SYT17: variants seen among roughly 807,000 people sequenced by gnomAD.
SYT17 encodes the protein synaptotagmin 17.
In SYT17, 22 loss-of-function variants were observed where a neutral mutation model predicts 46.7. That is an observed-to-expected ratio of 0.47 (90% CI 0.34 to 0.67). The LOEUF is 0.67. SYT17 is among the 30% of genes least tolerant of loss of function. The probability of loss-of-function intolerance (pLI) is 0.01; values close to 1 mark genes in which losing one functional copy is unlikely to be tolerated. For synonymous variants in SYT17, 251 were observed against 248.4 expected (o/e 1.01, Z -0.10); for missense variants, 519 against 612.8 (o/e 0.85, Z 1.62).
intron 7 of SYT17, among the ~76,000 whole-genome samples, chr16:19,252,251 G>A (rs1968134629): frequency 6.7e-6 from 1 of 148,532 alleles, no homozygotes; most frequent in African/African-American, 2.5e-5. Context: ...CATAAATGTT[G>A]CAGAATTCTT....
In SYT17 at chr16:19,172,630, C is replaced by A. The variant is rs182872494; in HGVS notation, c.16-130C>A. 1.7e-3 allele frequency: 2,555 copies of A among 1,524,420 alleles called. 5 individuals carry two copies. Among genetic ancestry groups the A allele is most frequent in the Non-Finnish European group, 2.0e-3 (2,261 of 1,143,782 alleles). The allele number at this position is 1,524,420 out of a possible 1,614,324, so 94.4% of individuals were successfully genotyped here. A position where few individuals can be genotyped will look rare whatever the true frequency, so the allele number is the denominator to read the frequency against. On this transcript the variant is annotated intron_variant, in intron 1 of 7. Coordinates refer to ENST00000355377, the MANE Select transcript of SYT17 (RefSeq NM_016524.4). ...TCCCAGGATGGTAAGTGGAAATATG[C>A]AGGGCTTTTTTTTTTTTTTGTAAAA...
intron 7 of SYT17, among the ~76,000 whole-genome samples, chr16:19,250,715 C>T (rs983765184): frequency 1.4e-4 from 17 of 118,466 alleles, no homozygotes; most frequent in African/African-American, 4.7e-4. Flanking sequence ...ATGCGTGGCC[C>T]CATTAGTTCT....
At chr16:19,189,319 G>T (rs937882591) in intron 5 of SYT17, among the ~76,000 whole-genome samples, 1 of 151,030 alleles carries the variant, frequency 6.6e-6, no homozygotes, top group Non-Finnish European at 1.5e-5. Context: ...AGATACTGGG[G>T]GTTAGGACCT....
chr16:19,185,008 T>C (rs1237161013), intron 5 of SYT17, among the ~76,000 whole-genome samples: 1 of 152,132 alleles, frequency 6.6e-6, no homozygotes, highest in Non-Finnish European at 1.5e-5. Flanking sequence ...AGAGGGTAAC[T>C]GTCTACCCAT....
rs770374262 is a variant in SYT17, at chr16:19,173,449, C to G, written c.53C>G (p.Ser18Cys). Residue 18 changes from serine to cysteine, a missense_variant, in exon 3 of 8, where the codon TCT becomes TGT. Coordinates refer to ENST00000355377, the MANE Select transcript of SYT17 (RefSeq NM_016524.4). ...CCTCAGGGTTTTCTTTCTAGAATCT[C>G]TGGTCTGCTGCTGTGCAGATGGACC... is the stretch of plus-strand genomic sequence containing the variant. ...PLNEGFLSRI[S>C]GLLLCRWTCR... is the part of the protein sequence containing the mutation. 2.9e-6 allele frequency: 4 copies of G among 1,364,370 alleles called. No individual in the cohort carries two copies. The highest frequency in any genetic ancestry group is 3.9e-6 in the Non-Finnish European group (4 of 1,023,734). 84.5% of individuals were successfully genotyped at this position (1,364,370 alleles called of 1,614,324 possible). A position where few individuals can be genotyped will look rare whatever the true frequency, so the allele number is the denominator to read the frequency against.
intron 5 of SYT17, among the ~76,000 whole-genome samples, chr16:19,210,467 A>G (rs1965853612): frequency 6.7e-6 from 1 of 148,920 alleles, no homozygotes; most frequent in African/African-American, 2.5e-5. Flanking sequence ...TTTTTTTTTA[A>G]AAGGGTATTT....
intron 5 of SYT17, among the ~76,000 whole-genome samples, chr16:19,185,779 C>T (rs2142609993): frequency 6.6e-6 from 1 of 152,306 alleles, no homozygotes; most frequent in African/African-American, 2.4e-5. Context: ...GCAGCGAGGG[C>T]CTGGCGGGTG....
chr16:19,184,782 G>T (rs1220862999), intron 5 of SYT17, among the ~76,000 whole-genome samples: 1 of 152,104 alleles, frequency 6.6e-6, no homozygotes, highest in Non-Finnish European at 1.5e-5. Flanking sequence ...ATTGCACAGG[G>T]TATAAAGCTA....
chr16:19,215,312 TAAC>T (rs769870536), intron 5 of SYT17, among the ~76,000 whole-genome samples: 31 of 152,342 alleles, frequency 2.0e-4, no homozygotes, highest in Non-Finnish European at 3.5e-4. Flanking sequence ...CTTTAACACT[TAAC>T]AACAACAACA....
intron 5 of SYT17, among the ~76,000 whole-genome samples, chr16:19,209,280 A>C (rs1965797519): frequency 6.6e-6 from 1 of 152,216 alleles, no homozygotes; most frequent in South Asian, 2.1e-4. Flanking sequence ...ATTGCTGAAT[A>C]ATAGTATCCA....
At chr16:19,227,057 C>T (rs1966521687) in intron 7 of SYT17, among the ~76,000 whole-genome samples, 1 of 152,108 alleles carries the variant, frequency 6.6e-6, no homozygotes, top group African/African-American at 2.4e-5. Flanking sequence ...GATCTGCGTG[C>T]TTAGGTTTTC....
At chr16:19,196,531 C>T (rs941469521) in intron 5 of SYT17, among the ~76,000 whole-genome samples, 2 of 148,738 alleles carry the variant, frequency 1.3e-5, no homozygotes, top group Admixed American at 1.4e-4. Flanking sequence ...ATGTGAGCCA[C>T]CAGCACCCAG....
intron 5 of SYT17, among the ~76,000 whole-genome samples, chr16:19,213,361 C>G (rs1158141155): frequency 6.6e-6 from 1 of 152,154 alleles, no homozygotes; most frequent in African/African-American, 2.4e-5. Context: ...TGCGGTTACA[C>G]TGGCAGGAAG....
chr16:19,217,493 T>C (rs192927255), intron 5 of SYT17, among the ~76,000 whole-genome samples: 46 of 152,346 alleles, frequency 3.0e-4, no homozygotes, highest in Admixed American at 5.9e-4. Flanking sequence ...GTGTCTGGCT[T>C]CTTTCACTTT....
At chr16:19,196,478 T>A (rs751795273) in intron 5 of SYT17, among the ~76,000 whole-genome samples, 41 of 151,986 alleles carry the variant, frequency 2.7e-4, no homozygotes, top group Non-Finnish European at 4.7e-4. Flanking sequence ...CCTGACCTCA[T>A]GTGATCCACC....
In SYT17 at chr16:19,183,300, C is replaced by T. The variant is rs937954185; in HGVS notation, c.332-228C>T. ...CACATATGCGATGATGTAGTGTACA[C>T]AGTCCATTAGAGCAGTGCCTGGCAC... is the stretch of plus-strand genomic sequence containing the variant. On this transcript the variant is annotated intron_variant, in intron 4 of 7. Transcript: ENST00000355377. The surrounding 1 kb of genome is among the most constrained non-coding windows in gnomAD (Gnocchi z 5.6). Among the ~76,000 whole-genome samples the T allele has an allele frequency of 6.6e-6, 1 of 152,204 alleles. No individual in the cohort carries two copies. Among genetic ancestry groups the T allele is most frequent in the African/African-American group, 2.4e-5 (1 of 41,458 alleles).
chr16:19,208,884 CTTTTT>C (rs1191498524), intron 5 of SYT17, among the ~76,000 whole-genome samples: 22 of 63,310 alleles, frequency 3.5e-4, no homozygotes, highest in African/African-American at 9.9e-4. Flanking sequence ...CAAGGACCTT[CTTTTT>C]TTTTTTTTTT....
intron 5 of SYT17, among the ~76,000 whole-genome samples, chr16:19,204,310 T>A (rs1210897880): frequency 6.6e-6 from 1 of 151,968 alleles, no homozygotes; most frequent in Non-Finnish European, 1.5e-5. Context: ...TTTGAGAATG[T>A]TTGAGAACAG....
At chr16:19,171,917 C>T (rs1475034529) in intron 1 of SYT17, 2 of 152,124 alleles carry the variant, frequency 1.3e-5, no homozygotes, top group African/African-American at 4.8e-5. Context: ...AAGATGTTAA[C>T]ATGTAGTGGT....
Sources: gnomAD v4.1 joint callset for allele counts (sites outside exome capture counted in the v4.1 genomes callset) on GRCh38, gnomAD v4.1.1 for gene constraint, Gnocchi (gnomAD v3.1) non-coding constraint, MANE v1.5 for transcripts, NCBI Gene and HGNC (gene_info 2026-07-23, HGNC 2026-07-21) for gene names.